The following MYO10 variants were observed in gnomAD, a reference collection of about 807,000 sequenced individuals.
MYO10 encodes the protein myosin X.
Under a neutral mutation model 257.3 loss-of-function variants are expected in MYO10, and 133 were observed. That is an observed-to-expected ratio of 0.52 (90% CI 0.45 to 0.60). The LOEUF (loss-of-function observed/expected upper bound fraction) is 0.60, where lower values mean the gene tolerates loss of function less well. MYO10 is among the 20% of genes least tolerant of loss of function. The pLI is 0.00. For synonymous variants in MYO10, 1,104 were observed against 1,028.6 expected (o/e 1.07, Z -1.40); for missense variants, 2,399 against 2,635.7 (o/e 0.91, Z 1.97).
chr5:16,835,495 T>TTA (rs1743285753), intron 2 of MYO10, among the ~76,000 whole-genome samples: 1 of 132,902 alleles, frequency 7.5e-6, no homozygotes, highest in Admixed American at 7.3e-5. Context: ...TTTGGCTGTT[T>TTA]TTTTTTTTTT....
chr5:16,898,932 G>GGT (rs1208710752), intron 1 of MYO10, among the ~76,000 whole-genome samples: 6 of 72,714 alleles, frequency 8.3e-5, no homozygotes, highest in East Asian at 4.8e-4. Flanking sequence ...GATCACCTGA[G>GGT]CCTGGCCACC....
chr5:16,780,586 G>A lies in MYO10; in HGVS notation c.764C>T (p.Pro255Leu). The change falls in exon 8 of 41, where the codon CCC (proline) becomes CTC (leucine). Residue 255 changes from proline to leucine, a missense_variant. Physicochemically the swap from Pro to Leu is moderately conservative, Grantham distance 98 (BLOSUM62 -3). Around this residue, in one of 3 missense-constraint regions of MYO10, gnomAD observed 337 missense variants for 446.8 expected, o/e 0.75. Coordinates refer to ENST00000513610, the MANE Select transcript of MYO10 (RefSeq NM_012334.3). ...LEKNRVVRQN[P>L]GERNYHIFYA... ...AAATATGTGATAATTCCTTTCCCCG[G>A]GATTTTGCCTTACTACTCGGTTCTG... 1 of 1,579,912 alleles carries A rather than the reference G, an allele frequency of 6.3e-7. No homozygotes were observed. Among genetic ancestry groups the A allele is most frequent in the South Asian group, 1.2e-5 (1 of 86,148 alleles).
chr5:16,694,657 C>T (rs200179727), intron 26 of MYO10, 43 bp from the exon 27 acceptor site: 6 of 1,606,752 alleles, frequency 3.7e-6, no homozygotes, highest in African/African-American at 1.3e-5. Flanking sequence ...AAAGAAAAGT[C>T]AGTCAAGTTG....
chr5:16,728,356 C>G (rs1237078001), intron 19 of MYO10, among the ~76,000 whole-genome samples: 1 of 152,154 alleles, frequency 6.6e-6, no homozygotes, highest in East Asian at 1.9e-4. Flanking sequence ...TCAGGCCACA[C>G]ACCAGCTTGC....
chr5:16,733,213 C>CA (rs1739656390), intron 19 of MYO10, among the ~76,000 whole-genome samples: 1 of 152,044 alleles, frequency 6.6e-6, no homozygotes, highest in Non-Finnish European at 1.5e-5. Context: ...ATCCAGTCAC[C>CA]AAACAGATGC....
intron 19 of MYO10, among the ~76,000 whole-genome samples, chr5:16,722,868 A>C (rs1739204458): frequency 6.6e-6 from 1 of 152,258 alleles, no homozygotes. Context: ...TCCGAGAAAG[A>C]TGCTGTTAAG....
chr5:16,804,208 C>T (rs1047284166), intron 3 of MYO10, among the ~76,000 whole-genome samples: 3 of 152,210 alleles, frequency 2.0e-5, no homozygotes, highest in African/African-American at 7.2e-5. Flanking sequence ...GTGTGTTCCA[C>T]TTTTCATTAA....
intron 3 of MYO10, among the ~76,000 whole-genome samples, chr5:16,796,208 GA>G (rs1560989413): frequency 4.1e-5 from 3 of 74,042 alleles, no homozygotes; most frequent in East Asian, 4.0e-4. Flanking sequence ...AAAAAAGAAA[GA>G]ACAGAGAGAG....
chr5:16,917,845 G>A (rs1213302462), intron 1 of MYO10, among the ~76,000 whole-genome samples: 6 of 151,946 alleles, frequency 3.9e-5, no homozygotes, highest in African/African-American at 1.5e-4. Context: ...ACTGCACTCC[G>A]GCCTAGGCAA....
rs1203597454 is a variant in MYO10 at position 16,676,022 on chromosome 5, T to C, written c.4666+9A>G. ...TCTCTGAGGAGTCGGGGTGGAGCTC[T>C]GGACTTACAGTTGAGATTTATGTCC... On this transcript the variant is annotated intron_variant, in intron 34 of 40. Transcript: ENST00000513610. 2 of 1,605,508 alleles carry C rather than the reference T, an allele frequency of 1.2e-6. No individual in the cohort carries two copies. Among genetic ancestry groups the C allele is most frequent in the East Asian group, 4.5e-5 (2 of 44,280 alleles).
Position 16,673,897 on chromosome 5 carries a change from G to A in MYO10, c.4965-8C>T, listed in dbSNP as rs369630079. ...GGAAACTGTTCCCGTATCCTAGGAG[G>A]CAAACACTAACTGTTAATTTTTAGA... On this transcript the variant is annotated splice_region_variant and splice_polypyrimidine_tract_variant and intron_variant, in intron 35 of 40. Transcript: ENST00000513610. The A allele has an allele frequency of 5.6e-6, 9 of 1,612,568 alleles. No individual in the cohort carries two copies. Among genetic ancestry groups the A allele is most frequent in the Non-Finnish European group, 5.9e-6 (7 of 1,178,942 alleles).
chr5:16,908,282 C>T (rs1173553616), intron 1 of MYO10, among the ~76,000 whole-genome samples: 3 of 152,066 alleles, frequency 2.0e-5, no homozygotes, highest in Non-Finnish European at 4.4e-5. Flanking sequence ...AATCCCAGCA[C>T]TTTGGGAGGC....
In MYO10 at chr5:16,670,865, G is replaced by C. The variant is rs1201039485; in HGVS notation, c.5544C>G (p.Ile1848Met). The C allele has an allele frequency of 2.5e-6, 4 of 1,613,998 alleles. No homozygotes were observed. The highest frequency in any genetic ancestry group is 2.2e-5 in the South Asian group (2 of 91,084). The change falls in exon 39 of 41, where the codon ATC becomes ATG. Residue 1848 changes from isoleucine to methionine, a missense_variant. Coordinates refer to ENST00000513610, the MANE Select transcript of MYO10 (RefSeq NM_012334.3). Reference protein sequence around the residue: ...LQGDYTLHAAIPPLEEVYSLQ... With the variant: ...LQGDYTLHAAMPPLEEVYSLQ... ...GGGAATAAACCTCTTCGAGAGGTGG[G>C]ATGGCAGCGTGCAGAGTATAATCCC...
rs912342821 is a variant in MYO10 at position 16,663,329 on chromosome 5, T to A, written c.*3363A>T. The A allele has an allele frequency of 5.1e-5, 1 of 19,568 alleles. No homozygotes were observed. The highest frequency in any genetic ancestry group is 1.1e-4 in the Non-Finnish European group (1 of 9,374). 1.2% of individuals were successfully genotyped at this position (19,568 alleles called of 1,614,324 possible). ...AAAAGTAACATTTTACTTCTAGTTGTTTTTTTTTTTTTTTTTTTTTTTTTT... is the reference window on the plus strand; with the variant it reads ...AAAAGTAACATTTTACTTCTAGTTGATTTTTTTTTTTTTTTTTTTTTTTTT... On this transcript the variant is annotated 3_prime_UTR_variant, in exon 41 of 41. Coordinates refer to ENST00000513610, the MANE Select transcript of MYO10 (RefSeq NM_012334.3).
intron 2 of MYO10, among the ~76,000 whole-genome samples, chr5:16,845,397 G>A (rs755810689): frequency 6.6e-6 from 1 of 152,136 alleles, no homozygotes; most frequent in African/African-American, 2.4e-5. Flanking sequence ...TGGGTGCAGT[G>A]GGCTCTCACC....
intron 39 of MYO10, among the ~76,000 whole-genome samples, chr5:16,669,658 C>T (rs1426444335): frequency 6.6e-6 from 1 of 152,082 alleles, no homozygotes; most frequent in African/African-American, 2.4e-5. Flanking sequence ...ATAATTGAAC[C>T]AACCAAACCA....
At chr5:16,846,638 G>T (rs912900506) in intron 2 of MYO10, among the ~76,000 whole-genome samples, 2 of 152,176 alleles carry the variant, frequency 1.3e-5, no homozygotes, top group African/African-American at 4.8e-5. Context: ...GGTGGGAAAG[G>T]TCATCATCAT....
intron 19 of MYO10, 90 bp downstream of exon 19, chr5:16,754,738 G>A: frequency 1.2e-6 from 1 of 831,886 alleles, no homozygotes; most frequent in Non-Finnish European, 1.8e-6. Context: ...ACAATGAAAG[G>A]ACTTTGGAGA....
intron 37 of MYO10, among the ~76,000 whole-genome samples, 152 bp downstream of exon 37, chr5:16,672,537 T>C (rs1736517773): frequency 1.3e-5 from 2 of 152,202 alleles, no homozygotes; most frequent in Admixed American, 1.3e-4. Context: ...AAATAGCGGA[T>C]ATGCAAAGTT....
Sources: allele counts gnomAD v4.1 joint callset (sites outside exome capture counted in the v4.1 genomes callset), GRCh38; gene constraint gnomAD v4.1.1; regional missense constraint gnomAD v4.1.1; transcripts MANE v1.5; gene names NCBI Gene and HGNC (gene_info 2026-07-23, HGNC 2026-07-21).